The following ST3GAL1 variants were observed in gnomAD, a reference collection of about 807,000 sequenced individuals.
The protein encoded by ST3GAL1 is ST3 beta-galactoside alpha-2,3-sialyltransferase 1.
Under a neutral mutation model 34.1 loss-of-function variants are expected in ST3GAL1, and 16 were observed. The observed-to-expected ratio is 0.47, with a 90% CI of 0.32 to 0.71. ST3GAL1 has a LOEUF of 0.71. ST3GAL1 is among the 30% of genes least tolerant of loss of function. The pLI is 0.04. For synonymous variants in ST3GAL1, 191 were observed against 184.7 expected, an observed-to-expected ratio of 1.03 and a Z score of -0.28; for missense variants, 353 against 447.4, an observed-to-expected ratio of 0.79 and a Z score of 1.90.
chr8:133,502,139 A>G (rs1817174237), intron 2 of ST3GAL1, among the ~76,000 whole-genome samples: 1 of 152,166 alleles, frequency 6.6e-6, no homozygotes, highest in Non-Finnish European at 1.5e-5. Context: ...AATAGCCAAT[A>G]TGATAATGTG....
At chr8:133,563,957 G>A (rs1222466336) in intron 1 of ST3GAL1, among the ~76,000 whole-genome samples, 1 of 152,138 alleles carries the variant, frequency 6.6e-6, no homozygotes, top group African/African-American at 2.4e-5. Flanking sequence ...CGAGCAGCCC[G>A]CCCTGAATCC....
chr8:133,505,032 G>T (rs537558416), intron 2 of ST3GAL1, among the ~76,000 whole-genome samples: 111 of 152,212 alleles, frequency 7.3e-4, no homozygotes, highest in African/African-American at 2.5e-3. Flanking sequence ...GACACCTGGG[G>T]GTGGTCAATG....
rs188938240 is a variant in ST3GAL1 at position 133,457,856 on chromosome 8, G to A, written c.*1908C>T. The A allele has an allele frequency of 6.6e-6, 1 of 152,326 alleles. No homozygotes were observed. The highest frequency in any genetic ancestry group is 1.9e-4 in the East Asian group (1 of 5,174). The allele number at this position is 152,326 out of a possible 1,614,324, so 9.4% of individuals were successfully genotyped here. A position where few individuals can be genotyped will look rare whatever the true frequency, so the allele number is the denominator to read the frequency against. On this transcript the variant is annotated 3_prime_UTR_variant, in exon 10 of 10. Transcript: ENST00000522652. ...GGCTCCCCCGAGCCTGGGAGCACAG[G>A]CCCCATGCCTCCGTCACACTCCACC...
intron 1 of ST3GAL1, among the ~76,000 whole-genome samples, chr8:133,554,519 A>T (rs758800193): frequency 3.4e-4 from 52 of 152,184 alleles, no homozygotes; most frequent in Admixed American, 1.2e-3. Flanking sequence ...AGGACTAAGG[A>T]TGTCAAGAAG....
intron 3 of ST3GAL1, among the ~76,000 whole-genome samples, chr8:133,491,376 C>T (rs1448367800): frequency 2.6e-5 from 4 of 152,060 alleles, no homozygotes; most frequent in Non-Finnish European, 4.4e-5. Context: ...GAAAGGATTT[C>T]CCCCCATTTG....
rs144880879 is a variant in ST3GAL1, at chr8:133,475,830, G to A, written c.195C>T (p.Ile65=). The change falls in exon 5 of 10, where the codon ATC becomes ATT. Residue 65 remains isoleucine (I), a synonymous_variant. Transcript: ENST00000522652. ...ACCAGGCCGAGAGCTTGCGCTGCCC[G>A]ATGCAGTGGGTGCAGGTGCAAGGCC... The part of the protein sequence containing the change: ...KHRPCTCTHC[I]GQRKLSAWFD... 35 of 1,614,018 alleles carry A rather than the reference G, an allele frequency of 2.2e-5. No homozygotes were observed. Among genetic ancestry groups the A allele is most frequent in the Admixed American group, 2.2e-4 (13 of 60,004 alleles).
At chr8:133,522,133 T>C (rs1817829496) in intron 2 of ST3GAL1, among the ~76,000 whole-genome samples, 1 of 152,168 alleles carries the variant, frequency 6.6e-6, no homozygotes, top group African/African-American at 2.4e-5. Flanking sequence ...CCAAGAGCTA[T>C]ATAGAATGGG....
At chr8:133,559,440 A>T (rs1819153927) in intron 1 of ST3GAL1, among the ~76,000 whole-genome samples, 1 of 152,150 alleles carries the variant, frequency 6.6e-6, no homozygotes, top group South Asian at 2.1e-4. Flanking sequence ...GAAAGAAAGA[A>T]CGATGGTACT....
At chr8:133,475,578 C>T in intron 5 of ST3GAL1, 141 bp downstream of exon 5, 1 of 1,014,154 alleles carries the variant, frequency 9.9e-7, no homozygotes, top group African/African-American at 1.6e-5. Context: ...CTCTCATTAC[C>T]AGACCCCTAC....
Position 133,461,816 on chromosome 8 carries a change from T to G in ST3GAL1, c.849+59A>C. ...TGCCCTCCCCCTCCCTGGCCTCTCT[T>G]GGGAACACAGGACGGTGAGCTTCGA... On this transcript the variant is annotated intron_variant, in intron 9 of 9. Transcript: ENST00000522652. This position sits in a 1 kb window ranked among gnomAD's most constrained non-coding sequence, Gnocchi z 4.7. 6.2e-7 allele frequency: 1 copy of G among 1,606,392 alleles called. No individual in the cohort carries two copies. The highest frequency in any genetic ancestry group is 2.2e-5 in the East Asian group (1 of 44,662).
At chr8:133,487,293 G>GTA (rs34125913) in intron 3 of ST3GAL1, among the ~76,000 whole-genome samples, 39,715 of 150,200 alleles carry the variant, frequency 0.26, 5,729 homozygotes, top group Non-Finnish European at 0.34. Context: ...AATACTATTG[G>GTA]TATATATATA....
intron 1 of ST3GAL1, among the ~76,000 whole-genome samples, chr8:133,569,433 A>G (rs999168248): frequency 5.9e-5 from 9 of 152,276 alleles, no homozygotes; most frequent in Admixed American, 3.9e-4. Flanking sequence ...TATTATCGCC[A>G]CTCGCAATTA....
At chr8:133,514,565 C>A (rs1817589917) in intron 2 of ST3GAL1, among the ~76,000 whole-genome samples, 1 of 152,134 alleles carries the variant, frequency 6.6e-6, no homozygotes, top group Non-Finnish European at 1.5e-5. Flanking sequence ...TCCTCCACCG[C>A]ATGCTCTCCT....
chr8:133,497,566 G>A (rs1428897529), intron 3 of ST3GAL1, among the ~76,000 whole-genome samples: 2 of 146,370 alleles, frequency 1.4e-5, no homozygotes, highest in Admixed American at 1.4e-4. Flanking sequence ...CGTGCCTCCT[G>A]GGTTCAAGCA....
intron 3 of ST3GAL1, among the ~76,000 whole-genome samples, chr8:133,485,329 C>A (rs539409379): frequency 6.6e-6 from 1 of 152,212 alleles, no homozygotes; most frequent in Non-Finnish European, 1.5e-5. Context: ...TGTAGCTGCC[C>A]CAGAATCTGG....
At chr8:133,543,869 C>G (rs1221835419) in intron 2 of ST3GAL1, among the ~76,000 whole-genome samples, 2 of 152,120 alleles carry the variant, frequency 1.3e-5, no homozygotes, top group Non-Finnish European at 2.9e-5. Flanking sequence ...TTTAATACTA[C>G]TATTTGTGTT....
At chr8:133,531,173 C>T (rs746228190) in intron 2 of ST3GAL1, among the ~76,000 whole-genome samples, 1 of 151,966 alleles carries the variant, frequency 6.6e-6, no homozygotes, top group Non-Finnish European at 1.5e-5. Context: ...GTGACTTTTG[C>T]TATAGTAACA....
chr8:133,527,742 A>G (rs935149863), intron 2 of ST3GAL1, among the ~76,000 whole-genome samples: 1 of 152,144 alleles, frequency 6.6e-6, no homozygotes, highest in Non-Finnish European at 1.5e-5. Flanking sequence ...GGAAGGAAAA[A>G]CAGCTTGCTT....
intron 1 of ST3GAL1, among the ~76,000 whole-genome samples, chr8:133,564,764 T>C (rs1354261445): frequency 6.6e-6 from 1 of 152,200 alleles, no homozygotes; most frequent in East Asian, 1.9e-4. Context: ...AATAAACTTG[T>C]TTAGTTTTCA....
Sources: allele counts gnomAD v4.1 joint callset (sites outside exome capture counted in the v4.1 genomes callset), GRCh38; gene constraint gnomAD v4.1.1; non-coding constraint Gnocchi (gnomAD v3.1); transcripts MANE v1.5; gene names NCBI Gene and HGNC (gene_info 2026-07-23, HGNC 2026-07-21).